Variants in PCDH15 observed in about 807,000 individuals in gnomAD.
PCDH15 encodes the protein protocadherin related 15, also known as protocadherin-15.
A neutral mutation model predicts 178.5 loss-of-function variants in PCDH15; 129 were observed. The ratio of observed to expected loss-of-function variants is 0.72; its 90% CI spans 0.63 to 0.84. The LOEUF (loss-of-function observed/expected upper bound fraction) is 0.84, where lower values mean the gene tolerates loss of function less well. Among genes scored for constraint, PCDH15 ranks in the 40% least tolerant of loss-of-function variants. The pLI is 0.00. For synonymous variants in PCDH15, 800 were observed against 732.0 expected, an observed-to-expected ratio of 1.09 and a Z score of -1.50; for missense variants, 2,230 against 2,099.9, an observed-to-expected ratio of 1.06 and a Z score of -1.21.
At chr10:54,756,423 A>G (rs1004028966) in intron 1 of PCDH15, among the ~76,000 whole-genome samples, 4 of 152,076 alleles carry the variant, frequency 2.6e-5, no homozygotes, top group African/African-American at 9.7e-5. Flanking sequence ...TCTTGACTAC[A>G]GTGCAGGACT....
rs189904287 is a variant in PCDH15, at chr10:54,040,131, G to C, written c.2221-16934C>G. On this transcript the variant is annotated intron_variant, in intron 18 of 37. Transcript: ENST00000644397. The stretch of plus-strand genomic sequence containing the variant: ...AATTACTCTTAAAAAGTCATAATTA[G>C]TTCTTTAAAATGTAAAACTAAAATA... Among the ~76,000 whole-genome samples, 16 of 152,058 alleles carry C rather than the reference G, an allele frequency of 1.1e-4. No individual in the cohort carries two copies. In the East Asian group the frequency reaches 3.1e-3, roughly 30 times the overall value.
chr10:55,221,094 GACA>G (rs1840862060), intron 1 of PCDH15, among the ~76,000 whole-genome samples: 1 of 152,022 alleles, frequency 6.6e-6, no homozygotes, highest in Admixed American at 6.5e-5. Flanking sequence ...TAATACTCAT[GACA>G]ACATGAATGG....
In PCDH15 at chr10:54,769,953, G is replaced by A. The variant is rs547914238; in HGVS notation, c.-29+30972C>T. 3.9e-5 allele frequency among the ~76,000 whole-genome samples: 6 copies of A among 152,182 alleles called. No homozygotes were observed. The East Asian group carries it at 1.2e-3, about 29-fold the overall frequency. On this transcript the variant is annotated intron_variant, in intron 1 of 37. Transcript: ENST00000644397. ...AACTAATACTCTGTTGTCCAGTATT[G>A]TAGTCTAAACACATATGTATCTATT...
chr10:54,360,754 G>T (rs1040385527), intron 5 of PCDH15, among the ~76,000 whole-genome samples: 10 of 151,964 alleles, frequency 6.6e-5, no homozygotes, highest in Admixed American at 6.6e-4. Context: ...TGTAAGTAAG[G>T]TCTTTTACAG....
intron 13 of PCDH15, among the ~76,000 whole-genome samples, chr10:54,158,765 C>T (rs994894620): frequency 6.6e-6 from 1 of 152,068 alleles, no homozygotes; most frequent in African/African-American, 2.4e-5. Context: ...AATTGTAATG[C>T]AAGAGTGTAA....
chr10:54,488,214 T>G (rs1258427525), intron 3 of PCDH15, among the ~76,000 whole-genome samples: 2 of 151,852 alleles, frequency 1.3e-5, no homozygotes, highest in Non-Finnish European at 2.9e-5. Context: ...TTCAATCAAA[T>G]TAGATTATAA....
chr10:55,222,730 CATATATATATATATATATAT>C (rs142618720), intron 1 of PCDH15, among the ~76,000 whole-genome samples: 2 of 121,276 alleles, frequency 1.6e-5, no homozygotes, highest in East Asian at 2.4e-4. Context: ...CACACACACA[CATATATATATATATATATAT>C]ATATATATAT....
intron 2 of PCDH15, among the ~76,000 whole-genome samples, chr10:54,598,823 A>G (rs905017220): frequency 2.0e-5 from 3 of 152,156 alleles, no homozygotes; most frequent in Non-Finnish European, 4.4e-5. Context: ...ATTGCTATAC[A>G]TCAACAACAG....
chr10:54,754,979 C>T, intron 1 of PCDH15, among the ~76,000 whole-genome samples: 1 of 120,986 alleles, frequency 8.3e-6, no homozygotes, highest in South Asian at 2.8e-4. Context: ...GAGACAGACT[C>T]ACTCTGTCAC....
At chr10:54,392,579 T>C (rs1174053622) in intron 3 of PCDH15, among the ~76,000 whole-genome samples, 5 of 151,492 alleles carry the variant, frequency 3.3e-5, no homozygotes, top group Non-Finnish European at 7.4e-5. Flanking sequence ...ATTTATAACG[T>C]TACATAATTC....
intron 2 of PCDH15, among the ~76,000 whole-genome samples, chr10:54,981,041 A>C (rs1208857345): frequency 1.3e-5 from 2 of 152,180 alleles, no homozygotes; most frequent in Admixed American, 6.5e-5. Context: ...GTTAAAAAAA[A>C]ATGGGCAAAA....
intron 15 of PCDH15, among the ~76,000 whole-genome samples, chr10:54,097,641 C>T (rs935854058): frequency 4.6e-5 from 7 of 152,030 alleles, no homozygotes; most frequent in Non-Finnish European, 7.4e-5. Flanking sequence ...TTTTTATTTA[C>T]TATTATATCC....
intron 1 of PCDH15, among the ~76,000 whole-genome samples, chr10:55,266,668 C>T (rs757725714): frequency 4.6e-5 from 7 of 152,138 alleles, no homozygotes; most frequent in Non-Finnish European, 1.0e-4. Context: ...GAAGAACACG[C>T]GAGTGGTTGA....
intron 16 of PCDH15, among the ~76,000 whole-genome samples, chr10:54,087,337 A>G (rs575121415): frequency 6.6e-6 from 1 of 152,260 alleles, no homozygotes; most frequent in Non-Finnish European, 1.5e-5. Flanking sequence ...GCAATCATTG[A>G]TCAACTTTTT....
chr10:54,202,726 C>T (rs1055096333), intron 10 of PCDH15, among the ~76,000 whole-genome samples: 4 of 150,646 alleles, frequency 2.7e-5, no homozygotes, highest in Admixed American at 6.6e-5. Flanking sequence ...GCAGAAGAAT[C>T]GCTTGAACCC....
chr10:54,265,527 G>A (rs2057616770), intron 8 of PCDH15, among the ~76,000 whole-genome samples: 1 of 151,022 alleles, frequency 6.6e-6, no homozygotes, highest in Non-Finnish European at 1.5e-5. Flanking sequence ...GTCTTCAAGA[G>A]ACCCATCTCA....
intron 1 of PCDH15, among the ~76,000 whole-genome samples, chr10:54,759,754 C>T (rs114099446): frequency 0.013 from 1,979 of 152,224 alleles, 49 homozygotes; most frequent in African/African-American, 0.045. Flanking sequence ...GAAATCTTTA[C>T]GTTTTCTTTA....
intron 8 of PCDH15, among the ~76,000 whole-genome samples, chr10:54,271,807 T>C (rs1266960283): frequency 6.6e-6 from 1 of 151,540 alleles, no homozygotes; most frequent in East Asian, 1.9e-4. Context: ...CTCAGAAAAA[T>C]AGAATAAAAG....
At chr10:54,180,886 A>G (rs895715144) in intron 13 of PCDH15, among the ~76,000 whole-genome samples, 1 of 152,198 alleles carries the variant, frequency 6.6e-6, no homozygotes, top group African/African-American at 2.4e-5. Flanking sequence ...AAAATATATA[A>G]AAGTCTTGAA....
Sources: allele counts gnomAD v4.1 joint callset (sites outside exome capture counted in the v4.1 genomes callset), GRCh38; gene constraint gnomAD v4.1.1; transcripts MANE v1.5; gene names NCBI Gene and HGNC (gene_info 2026-07-23, HGNC 2026-07-21).